The following RAI1 variants were observed in gnomAD, a reference collection of about 807,000 sequenced individuals.
The protein encoded by RAI1 is retinoic acid induced 1.
A neutral mutation model predicts 123.8 loss-of-function variants in RAI1; 9 were observed. The observed-to-expected ratio is 0.07, with a 90% confidence interval of 0.04 to 0.13. The LOEUF is 0.13. RAI1 is among the 10% of genes least tolerant of loss of function. RAI1 has a pLI of 1.00. For synonymous variants in RAI1, 1,231 were observed against 1,127.3 expected (o/e 1.09, Z -1.84); for missense variants, 2,256 against 2,545.8 (o/e 0.89, Z 2.45).
chr17:17,699,368 T>G (rs551738330), intron 1 of RAI1, among the ~76,000 whole-genome samples: 1 of 152,366 alleles, frequency 6.6e-6, no homozygotes, highest in South Asian at 2.1e-4. Context: ...TGGGCCCTTT[T>G]GCTCTCACAG....
intron 1 of RAI1, among the ~76,000 whole-genome samples, chr17:17,696,364 TCA>T (rs1384367819): frequency 6.6e-6 from 1 of 152,160 alleles, no homozygotes; most frequent in Admixed American, 6.5e-5. Flanking sequence ...ACCCGTACTC[TCA>T]GTCTCCAAAG....
chr17:17,686,125 C>T (rs1914620739), intron 1 of RAI1, among the ~76,000 whole-genome samples: 2 of 152,246 alleles, frequency 1.3e-5, no homozygotes, highest in African/African-American at 4.8e-5. Context: ...TCTCTCCGGC[C>T]CAGTGCCAAG....
At chr17:17,740,817 C>T (rs1029598995) in intron 2 of RAI1, among the ~76,000 whole-genome samples, 4 of 152,188 alleles carry the variant, frequency 2.6e-5, no homozygotes, top group African/African-American at 7.2e-5. Context: ...TTTTGGTTTT[C>T]GCCAGAACAA....
At position 17,793,586 on chromosome 17, in the gene RAI1, C is replaced by T. The variant is rs765035345; in HGVS notation, c.638C>T (p.Ser213Phe). 7 of 1,613,806 alleles carry T rather than the reference C, an allele frequency of 4.3e-6. No individual in the cohort carries two copies. Among genetic ancestry groups the T allele is most frequent in the Non-Finnish European group, 5.1e-6 (6 of 1,179,988 alleles). The change falls in exon 3 of 6, where the codon TCC becomes TTC. Residue 213 changes from serine (S) to phenylalanine (F), a missense_variant. Physicochemically the swap from Ser to Phe is radical, Grantham distance 155 (BLOSUM62 -2). Transcript: ENST00000353383. ...CAGGGTACCCACTTTCCTCAGCATT[C>T]CCAGTCCTTCCCCACCTCCTCCACC... is the stretch of plus-strand genomic sequence containing the variant. The part of the protein sequence containing the change: ...FPQGTHFPQH[S>F]QSFPTSSTYS...
At position 17,810,009 on chromosome 17, in the gene RAI1, G is replaced by C; in HGVS notation, c.*28G>C. ...ATCCACCCCAACGGCCGGAGGAGCC[G>C]CCGGAGCCCGCCTGCCCGCCCGCCG... On this transcript the variant is annotated 3_prime_UTR_variant, in exon 6 of 6. Transcript: ENST00000353383. This position sits in a 1 kb window ranked among gnomAD's most constrained non-coding sequence, Gnocchi z 4.6. 6.5e-7 allele frequency: 1 copy of C among 1,543,982 alleles called. No homozygotes were observed. The highest frequency in any genetic ancestry group is 8.7e-7 in the Non-Finnish European group (1 of 1,145,082).
At chr17:17,781,205 T>C (rs531135479) in intron 2 of RAI1, among the ~76,000 whole-genome samples, 1 of 152,210 alleles carries the variant, frequency 6.6e-6, no homozygotes. Flanking sequence ...TGGAATGCCC[T>C]GCTCCTTTCT....
chr17:17,791,954 G>T (rs2032026223), intron 2 of RAI1, among the ~76,000 whole-genome samples: 1 of 152,166 alleles, frequency 6.6e-6, no homozygotes. Flanking sequence ...AACCAGATGG[G>T]CTCTTGAGTG....
At chr17:17,715,452 G>A (rs572743300) in intron 1 of RAI1, among the ~76,000 whole-genome samples, 10 of 152,314 alleles carry the variant, frequency 6.6e-5, no homozygotes, top group Non-Finnish European at 8.8e-5. Context: ...GGGGTGCTTG[G>A]CAGAGTTAGC....
At chr17:17,789,485 G>A (rs2031938841) in intron 2 of RAI1, among the ~76,000 whole-genome samples, 1 of 152,206 alleles carries the variant, frequency 6.6e-6, no homozygotes, top group Non-Finnish European at 1.5e-5. Context: ...TGTGAGAGCC[G>A]CTGGCCTTGC....
intron 2 of RAI1, among the ~76,000 whole-genome samples, chr17:17,789,513 G>A (rs1404457846): frequency 6.6e-6 from 1 of 152,226 alleles, no homozygotes; most frequent in Admixed American, 6.5e-5. Context: ...GGTAGCTGGG[G>A]TTTCGTTGTG....
intron 2 of RAI1, among the ~76,000 whole-genome samples, chr17:17,754,934 T>C (rs2030372509): frequency 6.6e-6 from 1 of 152,162 alleles, no homozygotes; most frequent in Admixed American, 6.5e-5. Flanking sequence ...GGGCTGGTAA[T>C]TTGGATTAGA....
intron 2 of RAI1, among the ~76,000 whole-genome samples, chr17:17,747,586 G>A (rs1485750102): frequency 6.6e-6 from 1 of 152,170 alleles, no homozygotes; most frequent in Non-Finnish European, 1.5e-5. Context: ...CACACTCTGA[G>A]GTTAGGGGCT....
chr17:17,749,858 G>A (rs1243036501), intron 2 of RAI1, among the ~76,000 whole-genome samples: 1 of 152,202 alleles, frequency 6.6e-6, no homozygotes, highest in Non-Finnish European at 1.5e-5. Flanking sequence ...CTCCACTAGG[G>A]CCTCATTAAG....
At chr17:17,752,332 A>G (rs1470670825) in intron 2 of RAI1, among the ~76,000 whole-genome samples, 2 of 151,804 alleles carry the variant, frequency 1.3e-5, no homozygotes, top group Non-Finnish European at 2.9e-5. Flanking sequence ...CACACTGCGG[A>G]GGGGCGGGGC....
intron 2 of RAI1, among the ~76,000 whole-genome samples, chr17:17,770,551 A>G (rs2031113376): frequency 6.7e-6 from 1 of 150,094 alleles, no homozygotes; most frequent in African/African-American, 2.4e-5. Context: ...CCCCAGTCGC[A>G]CACTGACCCT....
intron 2 of RAI1, among the ~76,000 whole-genome samples, chr17:17,762,395 G>A (rs1457697504): frequency 2.0e-5 from 3 of 151,958 alleles, no homozygotes; most frequent in Non-Finnish European, 4.4e-5. Flanking sequence ...GTGTGCATGG[G>A]AGCGGGGTGG....
chr17:17,694,284 T>G (rs1014140219), intron 1 of RAI1, among the ~76,000 whole-genome samples: 1 of 151,976 alleles, frequency 6.6e-6, no homozygotes, highest in African/African-American at 2.4e-5. Context: ...GCATCAGGCC[T>G]GAGGAACCAA....
At chr17:17,782,996 T>C (rs1280424284) in intron 2 of RAI1, among the ~76,000 whole-genome samples, 1 of 149,872 alleles carries the variant, frequency 6.7e-6, no homozygotes, top group African/African-American at 2.5e-5. Context: ...AAGTGGAGTG[T>C]GCAAGGAACA....
At chr17:17,771,285 T>TC (rs2031147601) in intron 2 of RAI1, among the ~76,000 whole-genome samples, 1 of 152,198 alleles carries the variant, frequency 6.6e-6, no homozygotes, top group South Asian at 2.1e-4. Context: ...CATCCATCCA[T>TC]CAAATTCGTT....
Sources: gnomAD v4.1 joint callset for allele counts (sites outside exome capture counted in the v4.1 genomes callset) on GRCh38, gnomAD v4.1.1 for gene constraint, Gnocchi (gnomAD v3.1) non-coding constraint, MANE v1.5 for transcripts, NCBI Gene and HGNC (gene_info 2026-07-23, HGNC 2026-07-21) for gene names.